VSIG10: variants seen among roughly 807,000 people sequenced by gnomAD.
VSIG10 encodes V-set and immunoglobulin domain-containing protein 10.
A neutral mutation model predicts 58.7 loss-of-function variants in VSIG10; 48 were observed. That is an observed-to-expected ratio of 0.82 (90% CI 0.65 to 1.04). VSIG10 has a LOEUF of 1.04. VSIG10 is among the 50% of genes least tolerant of loss of function. The pLI, the probability that VSIG10 is intolerant of heterozygous loss-of-function variation, is 0.00. For synonymous variants in VSIG10, 260 were observed against 267.1 expected (o/e 0.97, Z 0.26); for missense variants, 628 against 670.0 (o/e 0.94, Z 0.69).
Position 118,082,157 on chromosome 12 carries a change from G to T in VSIG10, c.634C>A (p.Arg212=). 1 of 1,613,764 alleles carries T rather than the reference G, an allele frequency of 6.2e-7. No homozygotes were observed. The highest frequency in any genetic ancestry group is 8.5e-7 in the Non-Finnish European group (1 of 1,179,834). ...ACCAGGAGCTCGGTGGTCACCTTTC[G>T]ATGTCTCTTGCTGAGCTGATTCAAG... ...LALNQLSKRH[R]KVTTELLVYY... Residue 212 remains arginine (R), a synonymous_variant, in exon 3 of 9, where the codon CGA becomes AGA. Coordinates refer to ENST00000359236, the MANE Select transcript of VSIG10 (RefSeq NM_019086.6).
chr12:118,071,379 C>A lies in VSIG10; in HGVS notation c.1310G>T (p.Ser437Ile), dbSNP rs1361973687. 9 of 1,613,720 alleles carry A rather than the reference C, an allele frequency of 5.6e-6. No homozygotes were observed. The highest frequency in any genetic ancestry group is 4.0e-5 in the African/African-American group (3 of 74,896). Residue 437 changes from serine (S) to isoleucine (I), a missense_variant, in exon 6 of 9, where the codon AGC (serine) becomes ATC (isoleucine). Physicochemically the swap from Ser to Ile is moderately radical, Grantham distance 142 (BLOSUM62 -2). Coordinates refer to ENST00000359236, the MANE Select transcript of VSIG10 (RefSeq NM_019086.6). ...CTTACCTTTCCAGCAGAACACAGGG[C>A]TATAATGCAACAGAAGCCCTGAGAT... Reference protein sequence around the residue: ...AIISGLLLHYSPVFCWKVGNT... With the variant: ...AIISGLLLHYIPVFCWKVGNT...
intron 4 of VSIG10, among the ~76,000 whole-genome samples, chr12:118,075,188 ATATATATG>A (rs1566159912): frequency 6.8e-6 from 1 of 146,610 alleles, no homozygotes; most frequent in African/African-American, 2.6e-5. Flanking sequence ...ATGTGTGTAT[ATATATATG>A]TGTGTGTGTG....
At position 118,063,931 on chromosome 12, in the gene VSIG10, C is replaced by T. The variant is rs1250119929; in HGVS notation, c.*2708G>A. ...TATCAAAGCCACAGAATTGTGGAGGCCCCCTTCCCAGGCTCCACCAGGGTT... is the reference window on the plus strand; with the variant it reads ...TATCAAAGCCACAGAATTGTGGAGGTCCCCTTCCCAGGCTCCACCAGGGTT... On this transcript the variant is annotated 3_prime_UTR_variant, in exon 9 of 9. Transcript: ENST00000359236. The T allele has an allele frequency of 1.3e-5, 2 of 152,160 alleles. No individual in the cohort carries two copies. The highest frequency in any genetic ancestry group is 2.9e-5 in the Non-Finnish European group (2 of 68,020). The allele number at this position is 152,160 out of a possible 1,614,324, so 9.4% of individuals were successfully genotyped here.
Position 118,103,700 on chromosome 12 carries a change from C to G in VSIG10, c.-29G>C. On this transcript the variant is annotated 5_prime_UTR_variant, in exon 1 of 9. Transcript: ENST00000359236. The stretch of plus-strand genomic sequence containing the variant: ...GCCCCAGATCCCGGCTCAGGAAACG[C>G]AGGCTCGGGCTGGGCTGGACGTGTG... 1 of 1,468,396 alleles carries G rather than the reference C, an allele frequency of 6.8e-7. No homozygotes were observed. Among genetic ancestry groups the G allele is most frequent in the Non-Finnish European group, 9.0e-7 (1 of 1,114,712 alleles). The allele number at this position is 1,468,396 out of a possible 1,614,324, so 91.0% of individuals were successfully genotyped here.
chr12:118,075,412 G>A (rs2032688130), intron 4 of VSIG10, among the ~76,000 whole-genome samples: 1 of 152,168 alleles, frequency 6.6e-6, no homozygotes, highest in African/African-American at 2.4e-5. Context: ...CTGGAGTGCA[G>A]TGCTGTGATC....
At chr12:118,069,673 C>T (rs1243780787) in intron 7 of VSIG10, among the ~76,000 whole-genome samples, 3 of 152,036 alleles carry the variant, frequency 2.0e-5, no homozygotes, top group African/African-American at 7.2e-5. Flanking sequence ...GTGATCCACC[C>T]GCCTCGGCCT....
chr12:118,100,370 A>G (rs1178696069), intron 1 of VSIG10, among the ~76,000 whole-genome samples: 1 of 151,944 alleles, frequency 6.6e-6, no homozygotes, highest in Admixed American at 6.6e-5. Context: ...GGTGGCGCAC[A>G]CCTGTAATCC....
chr12:118,076,526 T>C lies in VSIG10; in HGVS notation c.926-2534A>G, dbSNP rs563438729. On this transcript the variant is annotated intron_variant, in intron 4 of 8. Coordinates refer to ENST00000359236, the MANE Select transcript of VSIG10 (RefSeq NM_019086.6). ...GGGGACACAGAGCCAAACCATATCATGGTGTTTCGCTGTGTTGCCCAGGCT... is the reference window on the plus strand; with the variant it reads ...GGGGACACAGAGCCAAACCATATCACGGTGTTTCGCTGTGTTGCCCAGGCT... Among the ~76,000 whole-genome samples, 5 of 152,240 alleles carry C rather than the reference T, an allele frequency of 3.3e-5. No individual in the cohort carries two copies. The South Asian group carries it at 1.0e-3, about 32-fold the overall frequency.
At chr12:118,082,562 A>T (rs77395756) in intron 2 of VSIG10, 133 bp from the exon 3 acceptor site, 28,671 of 907,782 alleles carry the variant, frequency 0.032, 604 homozygotes, top group Middle Eastern at 0.098. Flanking sequence ...CTAGGTGACA[A>T]ATGCTATGCC....
chr12:118,100,945 C>A (rs1362766739), intron 1 of VSIG10, among the ~76,000 whole-genome samples: 3 of 152,234 alleles, frequency 2.0e-5, no homozygotes, highest in South Asian at 2.1e-4. Flanking sequence ...ATGCAACCTG[C>A]AGACCTGCCC....
rs913465784 is a variant in VSIG10, at chr12:118,103,654, A to G, written c.18T>C (p.Ser6=). 2 of 1,500,988 alleles carry G rather than the reference A, an allele frequency of 1.3e-6. No individual in the cohort carries two copies. Among genetic ancestry groups the G allele is most frequent in the East Asian group, 2.8e-5 (1 of 35,738 alleles). 93.0% of individuals were successfully genotyped at this position (1,500,988 alleles called of 1,614,324 possible). A position where few individuals can be genotyped will look rare whatever the true frequency, so the allele number is the denominator to read the frequency against. The stretch of plus-strand genomic sequence containing the variant: ...AGACGAGGACGCGGGGCTCGGGCGC[A>G]CTGCCGCCTGCGGCCATCTCGCCCC... MAAGG[S]APEPRVLVCL... The change falls in exon 1 of 9, where the codon AGT becomes AGC. Residue 6 remains serine (S), a synonymous_variant. Coordinates refer to ENST00000359236, the MANE Select transcript of VSIG10 (RefSeq NM_019086.6).
chr12:118,070,377 G>C (rs2032438403), intron 7 of VSIG10, among the ~76,000 whole-genome samples: 1 of 151,932 alleles, frequency 6.6e-6, no homozygotes, highest in South Asian at 2.1e-4. Context: ...GTGAAACCCT[G>C]TCTCTACTAA....
rs1245733961 is a variant in VSIG10 at position 118,066,434 on chromosome 12, A to G, written c.*205T>C. 2 of 598,658 alleles carry G rather than the reference A, an allele frequency of 3.3e-6. No homozygotes were observed. Among genetic ancestry groups the G allele is most frequent in the African/African-American group, 1.9e-5 (1 of 53,742 alleles). 37.1% of individuals were successfully genotyped at this position (598,658 alleles called of 1,614,324 possible). ...CTCAAAGCTTTTAAACATCATTGGG[A>G]AAACTTAGAGCAAATCAAACCAATG... On this transcript the variant is annotated 3_prime_UTR_variant, in exon 9 of 9. Coordinates refer to ENST00000359236, the MANE Select transcript of VSIG10 (RefSeq NM_019086.6).
chr12:118,070,926 G>T, intron 7 of VSIG10, 126 bp downstream of exon 7: 1 of 1,128,866 alleles, frequency 8.9e-7, no homozygotes, highest in East Asian at 2.6e-5. Context: ...CCCTAGGCCA[G>T]TGTCTAGCAC....
intron 7 of VSIG10, 39 bp downstream of exon 7, chr12:118,071,013 C>A (rs374088167): frequency 1.9e-6 from 3 of 1,595,570 alleles, no homozygotes; most frequent in Non-Finnish European, 2.6e-6. Context: ...AAGACAGATG[C>A]GGGAATGGGT....
chr12:118,068,205 T>TC (rs560797471), intron 8 of VSIG10, among the ~76,000 whole-genome samples, 172 bp downstream of exon 8: 1 of 147,522 alleles, frequency 6.8e-6, no homozygotes, highest in East Asian at 2.0e-4. Flanking sequence ...TTTTTTTTTT[T>TC]TTTTTTTTTC....
At chr12:118,078,471 TAA>T (rs2032814150) in intron 4 of VSIG10, among the ~76,000 whole-genome samples, 1 of 152,050 alleles carries the variant, frequency 6.6e-6, no homozygotes, top group African/African-American at 2.4e-5. Flanking sequence ...TGCTGGTTGT[TAA>T]AAAGAGTTTG....
intron 3 of VSIG10, 134 bp downstream of exon 3, chr12:118,081,993 G>T: frequency 1.9e-6 from 2 of 1,062,690 alleles, no homozygotes; most frequent in East Asian, 2.6e-5. Context: ...CTCCAGCCTG[G>T]GCAAGAAGAG....
rs2032840158 is a variant in VSIG10, at chr12:118,078,983, T to TA, written c.925+362dup. 9.6e-5 allele frequency among the ~76,000 whole-genome samples: 13 copies of TA among 134,906 alleles called. No homozygotes were observed. In the South Asian group the frequency reaches 2.9e-3, roughly 30 times the overall value. 88.5% of individuals were successfully genotyped at this position (134,906 alleles called of 152,430 possible). ...AAAAAAAAAAATTTTCTTTATAAAC[T>TA]ACCCAGCCTCAGGTATTCCTTTACA... is the stretch of plus-strand genomic sequence containing the variant. On this transcript the variant is annotated intron_variant, in intron 4 of 8. Coordinates refer to ENST00000359236, the MANE Select transcript of VSIG10 (RefSeq NM_019086.6).
Sources: allele counts gnomAD v4.1 joint callset (sites outside exome capture counted in the v4.1 genomes callset), GRCh38; gene constraint gnomAD v4.1.1; transcripts MANE v1.5; gene names NCBI Gene and HGNC (gene_info 2026-07-23, HGNC 2026-07-21).